Variants in ASCC3 observed in about 807,000 individuals in gnomAD.
The protein encoded by ASCC3 is ASC-1 complex subunit P200.
A neutral mutation model predicts 256.3 loss-of-function variants in ASCC3; 158 were observed. The observed-to-expected ratio is 0.62, with a 90% confidence interval of 0.54 to 0.70. The LOEUF (loss-of-function observed/expected upper bound fraction) is 0.70. ASCC3 is among the 30% of genes least tolerant of loss of function. The pLI, the probability that ASCC3 is intolerant of heterozygous loss-of-function variation, is 0.00. For synonymous variants in ASCC3, 948 were observed against 883.4 expected, an observed-to-expected ratio of 1.07 and a Z score of -1.30; for missense variants, 2,259 against 2,626.0, an observed-to-expected ratio of 0.86 and a Z score of 3.05.
At chr6:100,700,048 A>G (rs766595002) in intron 13 of ASCC3, among the ~76,000 whole-genome samples, 1 of 152,190 alleles carries the variant, frequency 6.6e-6, no homozygotes. Context: ...AAAATTGCAT[A>G]AGAAAAGAGG....
At chr6:100,764,678 T>A (rs1388554921) in intron 10 of ASCC3, among the ~76,000 whole-genome samples, 1 of 152,142 alleles carries the variant, frequency 6.6e-6, no homozygotes, top group African/African-American at 2.4e-5. Flanking sequence ...ATATTTCTAT[T>A]TATTTATTTA....
intron 13 of ASCC3, among the ~76,000 whole-genome samples, chr6:100,684,743 G>C (rs560733076): frequency 2.6e-4 from 38 of 148,188 alleles, no homozygotes; most frequent in African/African-American, 6.9e-4. Flanking sequence ...GGTTGTGAAA[G>C]ATGAACTAGG....
At chr6:100,643,256 T>C (rs1193864006) in intron 23 of ASCC3, among the ~76,000 whole-genome samples, 1 of 152,184 alleles carries the variant, frequency 6.6e-6, no homozygotes, top group Non-Finnish European at 1.5e-5. Context: ...GCTTTATCTT[T>C]GATAAAAACA....
chr6:100,725,529 T>C lies in ASCC3; in HGVS notation c.1902+10A>G. ...CCTTCAAAATAAGCTTATACATAAC[T>C]TCCTCTTACCTGCCGTAAAGTACGG... On this transcript the variant is annotated intron_variant, in intron 11 of 41. Transcript: ENST00000369162. The C allele has an allele frequency of 1.2e-6, 2 of 1,611,738 alleles. No individual in the cohort carries two copies. Among genetic ancestry groups the C allele is most frequent in the Non-Finnish European group, 8.5e-7 (1 of 1,178,430 alleles).
At chr6:100,736,071 C>G (rs542778108) in intron 10 of ASCC3, among the ~76,000 whole-genome samples, 3 of 152,276 alleles carry the variant, frequency 2.0e-5, no homozygotes, top group African/African-American at 7.2e-5. Context: ...TGGAAGTGGT[C>G]TGACACATGG....
intron 33 of ASCC3, among the ~76,000 whole-genome samples, chr6:100,603,193 A>C (rs1314749027): frequency 1.3e-5 from 2 of 152,120 alleles, no homozygotes; most frequent in Admixed American, 1.3e-4. Context: ...ATTATGAAAT[A>C]CTATGTAATA....
intron 13 of ASCC3, among the ~76,000 whole-genome samples, chr6:100,699,473 T>C (rs1013121142): frequency 6.6e-6 from 1 of 152,170 alleles, no homozygotes; most frequent in Non-Finnish European, 1.5e-5. Flanking sequence ...TGTAAATTGC[T>C]CAGTCTTAGG....
In ASCC3 at chr6:100,766,555, A is replaced by C. The variant is rs1781664592; in HGVS notation, c.1737+10T>G. 2 of 1,613,952 alleles carry C rather than the reference A, an allele frequency of 1.2e-6. No homozygotes were observed. Among genetic ancestry groups the C allele is most frequent in the African/African-American group, 1.3e-5 (1 of 75,064 alleles). ...TGGTATTAAACAAAAAATCTAGGTA[A>C]ACAACATACCTGAGTTCGTAAAATT... On this transcript the variant is annotated intron_variant, in intron 10 of 41. Coordinates refer to ENST00000369162, the MANE Select transcript of ASCC3 (RefSeq NM_006828.4).
At chr6:100,520,554 G>A (rs1318909156) in intron 37 of ASCC3, among the ~76,000 whole-genome samples, 1 of 151,812 alleles carries the variant, frequency 6.6e-6, no homozygotes, top group Non-Finnish European at 1.5e-5. Flanking sequence ...CTGCCAGATA[G>A]TTGTAGGTAC....
In ASCC3 at chr6:100,670,146, A is replaced by G. The variant is rs113693775; in HGVS notation, c.2287-7610T>C. On this transcript the variant is annotated intron_variant, in intron 14 of 41. Transcript: ENST00000369162. ...AAAGAATAGGAAATACAAATAGCCAATGTAAAAAATGCTCAGTTTCACTCA... is the reference window on the plus strand; with the variant it reads ...AAAGAATAGGAAATACAAATAGCCAGTGTAAAAAATGCTCAGTTTCACTCA... 3.3e-5 allele frequency among the ~76,000 whole-genome samples: 5 copies of G among 152,204 alleles called. 1 individual carries two copies. The highest frequency in any genetic ancestry group is 1.2e-4 in the African/African-American group (5 of 41,588).
Position 100,659,715 on chromosome 6 carries a change from C to T in ASCC3, c.2703+2091G>A, listed in dbSNP as rs1776093408. Among the ~76,000 whole-genome samples, 5 of 151,542 alleles carry T rather than the reference C, an allele frequency of 3.3e-5. No individual in the cohort carries two copies. The South Asian group carries it at 1.0e-3, about 31-fold the overall frequency. On this transcript the variant is annotated intron_variant, in intron 16 of 41. Transcript: ENST00000369162. ...CAGTATTTTACTGACTTTGTGTCTT[C>T]TGTATAATATTGCCAACTTGTGTTT...
At chr6:100,793,930 C>T (rs574975519) in intron 8 of ASCC3, among the ~76,000 whole-genome samples, 1 of 152,116 alleles carries the variant, frequency 6.6e-6, no homozygotes, top group South Asian at 2.1e-4. Flanking sequence ...GTAAATGGCA[C>T]TATCACTCAC....
chr6:100,645,183 CAG>C (rs1287612883), intron 22 of ASCC3, among the ~76,000 whole-genome samples: 1 of 151,946 alleles, frequency 6.6e-6, no homozygotes, highest in Non-Finnish European at 1.5e-5. Context: ...TGGTAGGAGA[CAG>C]TGTAAGAAAT....
At chr6:100,636,364 T>C (rs893904611) in intron 25 of ASCC3, among the ~76,000 whole-genome samples, 4 of 152,170 alleles carry the variant, frequency 2.6e-5, no homozygotes, top group Non-Finnish European at 4.4e-5. Context: ...AACTACACCA[T>C]ATAAGATGAC....
intron 26 of ASCC3, 115 bp from the exon 27 acceptor site, chr6:100,629,296 C>G: frequency 1.0e-6 from 1 of 970,102 alleles, no homozygotes; most frequent in South Asian, 1.7e-5. Context: ...ATTACTTTAT[C>G]TACCTTTGAT....
intron 40 of ASCC3, among the ~76,000 whole-genome samples, chr6:100,511,325 G>A (rs765151878): frequency 3.3e-5 from 5 of 152,148 alleles, no homozygotes; most frequent in Admixed American, 6.5e-5. Context: ...TGCTGAGGAA[G>A]GAGAATTGCT....
intron 36 of ASCC3, among the ~76,000 whole-genome samples, chr6:100,556,781 A>G (rs1769597554): frequency 6.6e-6 from 1 of 152,104 alleles, no homozygotes; most frequent in Non-Finnish European, 1.5e-5. Context: ...CTGTCAGCAC[A>G]ATTGTTTAGG....
chr6:100,690,544 C>T (rs971252879), intron 13 of ASCC3, among the ~76,000 whole-genome samples: 2 of 152,072 alleles, frequency 1.3e-5, no homozygotes, highest in Non-Finnish European at 2.9e-5. Flanking sequence ...TGTATCAATT[C>T]GCATTTAACA....
intron 27 of ASCC3, among the ~76,000 whole-genome samples, chr6:100,628,451 G>A (rs1036744332): frequency 6.6e-5 from 10 of 152,098 alleles, no homozygotes; most frequent in African/African-American, 2.4e-4. Context: ...GTGGGGCCTG[G>A]TAGGAGGTGA....
Sources: gnomAD v4.1 joint callset for allele counts (sites outside exome capture counted in the v4.1 genomes callset) on GRCh38, gnomAD v4.1.1 for gene constraint, MANE v1.5 for transcripts, NCBI Gene and HGNC (gene_info 2026-07-23, HGNC 2026-07-21) for gene names.